PPP1R10: variants seen among roughly 807,000 people sequenced by gnomAD.
The protein encoded by PPP1R10 is serine/threonine-protein phosphatase 1 regulatory subunit 10.
A neutral mutation model predicts 99.0 loss-of-function variants in PPP1R10; 15 were observed. The ratio of observed to expected loss-of-function variants is 0.15; its 90% CI spans 0.10 to 0.23. The LOEUF (loss-of-function observed/expected upper bound fraction) is 0.23, where lower values mean the gene tolerates loss of function less well. Among genes scored for constraint, PPP1R10 ranks in the 10% least tolerant of loss-of-function variants. The probability of loss-of-function intolerance (pLI) is 1.00; values close to 1 mark genes in which losing one functional copy is unlikely to be tolerated. For synonymous variants in PPP1R10, 430 were observed against 449.5 expected, an observed-to-expected ratio of 0.96 and a Z score of 0.55; for missense variants, 947 against 1,259.4, an observed-to-expected ratio of 0.75 and a Z score of 3.75.
At chr6:30,613,866 A>AAAAAC (rs765019995) in intron 2 of PPP1R10, among the ~76,000 whole-genome samples, 20 of 151,652 alleles carry the variant, frequency 1.3e-4, no homozygotes, top group Admixed American at 2.6e-4. Flanking sequence ...CTTAAAAGAA[A>AAAAAC]AAAACAAAAC....
At position 30,604,666 on chromosome 6, in the gene PPP1R10, G is replaced by A; in HGVS notation, c.1024C>T (p.Pro342Ser). 1.9e-6 allele frequency: 3 copies of A among 1,613,136 alleles called. No homozygotes were observed. The highest frequency in any genetic ancestry group is 1.1e-5 in the South Asian group (1 of 91,086). ...TCTGCGTCCATTGCCTCAGAAGGTGGTGCTGGTTCTGGGGAAGAAGGTTTG... is the reference window on the plus strand; with the variant it reads ...TCTGCGTCCATTGCCTCAGAAGGTGATGCTGGTTCTGGGGAAGAAGGTTTG... ...TAKPSSPEPA[P>S]PSEAMDADRP... Residue 342 changes from proline (P) to serine (S), a missense_variant, in exon 12 of 20, where the codon CCA becomes TCA. Coordinates refer to ENST00000376511, the MANE Select transcript of PPP1R10 (RefSeq NM_002714.4). This position sits in a 1 kb window ranked among gnomAD's most constrained non-coding sequence, Gnocchi z 7.3.
chr6:30,602,090 G>A lies in PPP1R10; in HGVS notation c.2559C>T (p.His853=), dbSNP rs770292425. ...GAGGCCGGTGGCCATGGGGCCCCCCGTGTCCAGGGCCTTCATGGGGACGAT... is the reference window on the plus strand; with the variant it reads ...GAGGCCGGTGGCCATGGGGCCCCCCATGTCCAGGGCCTTCATGGGGACGAT... The part of the protein sequence containing the change: ...GGHRPHEGPG[H]GGPHGHRPHD... The change falls in exon 19 of 20, where the codon CAC becomes CAT. Residue 853 remains histidine (H), a synonymous_variant. Coordinates refer to ENST00000376511, the MANE Select transcript of PPP1R10 (RefSeq NM_002714.4). This position sits in a 1 kb window ranked among gnomAD's most constrained non-coding sequence, Gnocchi z 6.7. 2.3e-5 allele frequency: 37 copies of A among 1,585,584 alleles called. No individual in the cohort carries two copies. The highest frequency in any genetic ancestry group is 2.8e-5 in the Non-Finnish European group (32 of 1,163,306).
In PPP1R10 at chr6:30,603,554, A is replaced by G; in HGVS notation, c.1685T>C (p.Met562Thr). ...GCCCTTTCCAGCACCCATGCTTCCCATAAGATTGGCCAGAACTGGAGGCAA... is the reference window on the plus strand; with the variant it reads ...GCCCTTTCCAGCACCCATGCTTCCCGTAAGATTGGCCAGAACTGGAGGCAA... ...SKLPPVLANL[M>T]GSMGAGKGPQ... Residue 562 changes from methionine (M) to threonine (T), a missense_variant, in exon 16 of 20, where the codon ATG becomes ACG. Transcript: ENST00000376511. The G allele has an allele frequency of 6.2e-7, 1 of 1,614,050 alleles. No individual in the cohort carries two copies. The highest frequency in any genetic ancestry group is 8.5e-7 in the Non-Finnish European group (1 of 1,179,980).
chr6:30,606,476 C>T lies in PPP1R10; in HGVS notation c.626G>A (p.Arg209His). ...CCAGCCGCCAGTCTTACCAGTGGAACGGAACTTGGCATGACTGGGTGCTGT... is the reference window on the plus strand; with the variant it reads ...CCAGCCGCCAGTCTTACCAGTGGAATGGAACTTGGCATGACTGGGTGCTGT... ...RTTAPSHAKF[R>H]STGLELETPS... The change falls in exon 8 of 20, where the codon CGT becomes CAT. Residue 209 changes from arginine (R) to histidine (H), a missense_variant. Coordinates refer to ENST00000376511, the MANE Select transcript of PPP1R10 (RefSeq NM_002714.4). The surrounding 1 kb of genome is among the most constrained non-coding windows in gnomAD (Gnocchi z 6.3). The T allele has an allele frequency of 6.2e-7, 1 of 1,612,860 alleles. No homozygotes were observed. Among genetic ancestry groups the T allele is most frequent in the Non-Finnish European group, 8.5e-7 (1 of 1,180,012 alleles).
At chr6:30,607,915 A>G in intron 5 of PPP1R10, 24 bp from the exon 6 acceptor site, 1 of 1,611,514 alleles carries the variant, frequency 6.2e-7, no homozygotes, top group Non-Finnish European at 8.5e-7. Context: ...GAGCAGCAGA[A>G]AGGTAAATGC....
rs1299800325 is a variant in PPP1R10, at chr6:30,607,960, G to A, written c.331-69C>T. 4.3e-6 allele frequency: 6 copies of A among 1,382,074 alleles called. No individual in the cohort carries two copies. In the African/African-American group the frequency reaches 4.4e-5, roughly 10 times the overall value. The allele number at this position is 1,382,074 out of a possible 1,614,324, so 85.6% of individuals were successfully genotyped here. On this transcript the variant is annotated intron_variant, in intron 5 of 19. Coordinates refer to ENST00000376511, the MANE Select transcript of PPP1R10 (RefSeq NM_002714.4). The stretch of plus-strand genomic sequence containing the variant: ...AATAATTCCACTTAGAGCTAAAAAC[G>A]ACAAAAGTTACAGTCCTCCCTGCTT...
At chr6:30,607,680 G>A (rs978800608) in intron 6 of PPP1R10, among the ~76,000 whole-genome samples, 160 bp downstream of exon 6, 3 of 152,212 alleles carry the variant, frequency 2.0e-5, no homozygotes. Context: ...AGGAAAGAGG[G>A]TACAGGTTAG....
At chr6:30,614,090 A>G (rs996519017) in intron 2 of PPP1R10, among the ~76,000 whole-genome samples, 1 of 152,180 alleles carries the variant, frequency 6.6e-6, no homozygotes, top group Admixed American at 6.5e-5. Context: ...GGAGAGTCTG[A>G]TAAAGATTTG....
In PPP1R10 at chr6:30,604,342, TG is replaced by T. The variant is rs1582645191; in HGVS notation, c.1261+10del. ...TTAAACACACCTATTACGTAGGAAATGACCTCTTACCTCGTTCAGTTTCATC... is the reference window on the plus strand; with the variant it reads ...TTAAACACACCTATTACGTAGGAAATACCTCTTACCTCGTTCAGTTTCATC... On this transcript the variant is annotated intron_variant, in intron 13 of 19. Coordinates refer to ENST00000376511, the MANE Select transcript of PPP1R10 (RefSeq NM_002714.4). This position sits in a 1 kb window ranked among gnomAD's most constrained non-coding sequence, Gnocchi z 7.3. 3.1e-6 allele frequency: 5 copies of T among 1,614,170 alleles called. No homozygotes were observed. Among genetic ancestry groups the T allele is most frequent in the Non-Finnish European group, 3.4e-6 (4 of 1,180,014 alleles).
Position 30,613,294 on chromosome 6 carries a change from AT to A in PPP1R10, c.-12+3183del, listed in dbSNP as rs1804742269. ...AGGACTGAATTGGTTCAGGATAAAA[AT>A]TCTGTGCAAGTCAGAGCTCTTTAAA... On this transcript the variant is annotated intron_variant, in intron 2 of 19. Coordinates refer to ENST00000376511, the MANE Select transcript of PPP1R10 (RefSeq NM_002714.4). Among the ~76,000 whole-genome samples the A allele has an allele frequency of 2.6e-5, 4 of 152,334 alleles. 1 individual carries two copies. The South Asian group carries it at 8.3e-4, about 32-fold the overall frequency.
rs1398877631 is a variant in PPP1R10, at chr6:30,604,556, A to C, written c.1102+32T>G. Reference sequence around the variant, plus strand: ...CAGACCCAGATCCCTCCTTTCAGAAAACCCCCCAAACTGAACCAGTTTCTA... The same window carrying C: ...CAGACCCAGATCCCTCCTTTCAGAACACCCCCCAAACTGAACCAGTTTCTA... On this transcript the variant is annotated intron_variant, in intron 12 of 19. Coordinates refer to ENST00000376511, the MANE Select transcript of PPP1R10 (RefSeq NM_002714.4). The surrounding 1 kb of genome is among the most constrained non-coding windows in gnomAD (Gnocchi z 7.3). 1 of 1,612,582 alleles carries C rather than the reference A, an allele frequency of 6.2e-7. No homozygotes were observed. The highest frequency in any genetic ancestry group is 8.5e-7 in the Non-Finnish European group (1 of 1,179,828).
intron 2 of PPP1R10, 137 bp downstream of exon 2, chr6:30,616,341 T>G (rs939105420): frequency 2.6e-5 from 4 of 152,646 alleles, no homozygotes; most frequent in African/African-American, 9.7e-5. Flanking sequence ...TTAATGGAGA[T>G]TAAGTGACCA....
intron 5 of PPP1R10, 91 bp downstream of exon 5, chr6:30,608,688 C>T: frequency 1.4e-6 from 2 of 1,447,600 alleles, no homozygotes; most frequent in Non-Finnish European, 1.9e-6. Context: ...CCTCACAGGC[C>T]CAAGATTACA....
At chr6:30,610,600 G>A (rs1368945151) in intron 2 of PPP1R10, among the ~76,000 whole-genome samples, 1 of 152,296 alleles carries the variant, frequency 6.6e-6, no homozygotes, top group South Asian at 2.1e-4. Context: ...TGAGACAAAT[G>A]GATGCATGGA....
rs757273730 is a variant in PPP1R10 at position 30,604,710 on chromosome 6, C to T, written c.980G>A (p.Ser327Asn). Residue 327 changes from serine (S) to asparagine (N), a missense_variant, in exon 12 of 20, where the codon AGC becomes AAC. Physicochemically the swap from Ser to Asn is conservative, Grantham distance 46. This residue lies in a region of PPP1R10 where 100 missense variants were observed against 105.8 expected (regional missense o/e 0.94). Transcript: ENST00000376511. The surrounding 1 kb of genome is among the most constrained non-coding windows in gnomAD (Gnocchi z 7.3). ...AKPSPFEGKT[S>N]TEPSTAKPSS... Reference sequence around the variant, plus strand: ...AGGTTTGGCTGTGCTTGGTTCTGTGCTCGTTTTCCCTTCAAAGGGGCTTGG... The same window carrying T: ...AGGTTTGGCTGTGCTTGGTTCTGTGTTCGTTTTCCCTTCAAAGGGGCTTGG... 1 of 1,613,044 alleles carries T rather than the reference C, an allele frequency of 6.2e-7. No homozygotes were observed. The highest frequency in any genetic ancestry group is 1.1e-5 in the South Asian group (1 of 91,080).
At position 30,603,236 on chromosome 6, in the gene PPP1R10, T is replaced by C. The variant is rs752600408; in HGVS notation, c.1817A>G (p.Tyr606Cys). 26 of 1,613,788 alleles carry C rather than the reference T, an allele frequency of 1.6e-5. No individual in the cohort carries two copies. The highest frequency in any genetic ancestry group is 2.1e-5 in the Non-Finnish European group (25 of 1,179,700). Residue 606 changes from tyrosine to cysteine, a missense_variant, in exon 17 of 20, where the codon TAT becomes TGT. By Grantham distance (194) the Tyr-to-Cys change is radical. Transcript: ENST00000376511. ...PSEELLKQPD[Y>C]SDKIKQMLVP... is the part of the protein sequence containing the mutation. ...CAGCATCTGCTTGATCTTGTCCGAA[T>C]AGTCTGGTTGTTTCAGTAGTTCCTC...
In PPP1R10 at chr6:30,604,055, A is replaced by G; in HGVS notation, c.1461T>C (p.Ala487=). The change falls in exon 14 of 20, where the codon GCT becomes GCC. Residue 487 remains alanine (A), a synonymous_variant. Coordinates refer to ENST00000376511, the MANE Select transcript of PPP1R10 (RefSeq NM_002714.4). The surrounding 1 kb of genome is among the most constrained non-coding windows in gnomAD (Gnocchi z 7.3). The part of the protein sequence containing the change: ...GSNSQERYIQ[A]EREKGILQEL... ...CCTGAAGGATTCCCTTCTCCCGCTC[A>G]GCCTGGATATATCGCTCCTGACTAT... 6.2e-7 allele frequency: 1 copy of G among 1,613,060 alleles called. No individual in the cohort carries two copies. Among genetic ancestry groups the G allele is most frequent in the African/African-American group, 1.3e-5 (1 of 74,966 alleles).
intron 2 of PPP1R10, among the ~76,000 whole-genome samples, chr6:30,615,510 G>A (rs1454229081): frequency 1.3e-5 from 2 of 152,126 alleles, no homozygotes; most frequent in Non-Finnish European, 2.9e-5. Context: ...GACACAACCT[G>A]CAACGCCGCT....
chr6:30,602,064 T>A lies in PPP1R10; in HGVS notation c.2585A>T (p.His862Leu). 1 of 1,566,242 alleles carries A rather than the reference T, an allele frequency of 6.4e-7. No homozygotes were observed. Among genetic ancestry groups the A allele is most frequent in the African/African-American group, 1.3e-5 (1 of 74,262 alleles). ...GHGGPHGHRP[H>L]DVPGHRGHDH... ...ATGGCCTCGGTGACCAGGGACATCA[T>A]GAGGCCGGTGGCCATGGGGCCCCCC... The change falls in exon 19 of 20, where the codon CAT (histidine) becomes CTT (leucine). Residue 862 changes from histidine to leucine, a missense_variant. By Grantham distance (99) the His-to-Leu change is moderately conservative. Transcript: ENST00000376511. The surrounding 1 kb of genome is among the most constrained non-coding windows in gnomAD (Gnocchi z 6.7).
Sources: gnomAD v4.1 joint callset for allele counts (sites outside exome capture counted in the v4.1 genomes callset) on GRCh38, gnomAD v4.1.1 for gene constraint, gnomAD v4.1.1 regional missense constraint, Gnocchi (gnomAD v3.1) non-coding constraint, MANE v1.5 for transcripts, NCBI Gene and HGNC (gene_info 2026-07-23, HGNC 2026-07-21) for gene names.